The following PHACTR2 variants were observed in gnomAD, a reference collection of about 807,000 sequenced individuals.
PHACTR2 encodes the protein chromosome 6 open reading frame 56.
PHACTR2 carries 30 observed loss-of-function variants against 76.0 expected under a neutral mutation model. The ratio of observed to expected loss-of-function variants is 0.39; its 90% CI spans 0.30 to 0.54. PHACTR2 has a LOEUF of 0.54. Among genes scored for constraint, PHACTR2 ranks in the 20% least tolerant of loss-of-function variants. The pLI, the probability that PHACTR2 is intolerant of heterozygous loss-of-function variation, is 0.61. For synonymous variants in PHACTR2, 292 were observed against 292.5 expected, an observed-to-expected ratio of 1.00 and a Z score of 0.02; for missense variants, 696 against 781.1, an observed-to-expected ratio of 0.89 and a Z score of 1.30.
rs898804159 is a variant in PHACTR2, at chr6:143,583,657, C to T, written c.217+46450C>T. ...TATGTGCCTAATACTGTAATTTTCC[C>T]AGAACTGATAGCTTGATTTTGCCAG... On this transcript the variant is annotated intron_variant, in intron 1 of 11. Transcript: ENST00000367584. This position sits in a 1 kb window ranked among gnomAD's most constrained non-coding sequence, Gnocchi z 4.0. Among the ~76,000 whole-genome samples, 1 of 152,242 alleles carries T rather than the reference C, an allele frequency of 6.6e-6. No individual in the cohort carries two copies. The highest frequency in any genetic ancestry group is 2.4e-5 in the African/African-American group (1 of 41,466).
Position 143,806,390 on chromosome 6 carries a change from C to G in PHACTR2, c.1846-667C>G, listed in dbSNP as rs1430590216. On this transcript the variant is annotated intron_variant, in intron 11 of 12. Coordinates refer to ENST00000440869, the MANE Select transcript of PHACTR2 (RefSeq NM_001100164.2). The surrounding 1 kb of genome is among the most constrained non-coding windows in gnomAD (Gnocchi z 5.8). Reference sequence around the variant, plus strand: ...ATAAGCAACTGCTTTCTCTGTAGCTCTCTGGCAGCTAGTCAAAGCCATGTT... The same window carrying G: ...ATAAGCAACTGCTTTCTCTGTAGCTGTCTGGCAGCTAGTCAAAGCCATGTT... Among the ~76,000 whole-genome samples, 1 of 152,202 alleles carries G rather than the reference C, an allele frequency of 6.6e-6. No homozygotes were observed. The highest frequency in any genetic ancestry group is 1.9e-4 in the East Asian group (1 of 5,200).
At position 143,680,576 on chromosome 6, in the gene PHACTR2, C is replaced by T. The variant is rs183708624; in HGVS notation, c.46+2367C>T. ...CTTTCAGTTTAGGTTGCACCTAATT[C>T]TCTGGGTTCTAGGAAGACCATTAAT... On this transcript the variant is annotated intron_variant, in intron 1 of 12. Coordinates refer to ENST00000440869, the MANE Select transcript of PHACTR2 (RefSeq NM_001100164.2). This position sits in a 1 kb window ranked among gnomAD's most constrained non-coding sequence, Gnocchi z 4.5. 1.6e-3 allele frequency among the ~76,000 whole-genome samples: 247 copies of T among 152,302 alleles called. No individual in the cohort carries two copies. Among genetic ancestry groups the T allele is most frequent in the Middle Eastern group, 0.014 (4 of 294 alleles).
chr6:143,771,221 T>TATAC (rs1471064251), intron 6 of PHACTR2, among the ~76,000 whole-genome samples: 10 of 109,102 alleles, frequency 9.2e-5, no homozygotes, highest in Non-Finnish European at 1.3e-4. Flanking sequence ...TATATATATA[T>TATAC]ATATATATAT....
intron 1 of PHACTR2, among the ~76,000 whole-genome samples, chr6:143,594,302 A>G (rs139544275): frequency 1.4e-3 from 215 of 152,332 alleles, no homozygotes; most frequent in Non-Finnish European, 2.4e-3. Flanking sequence ...GACCTGTACT[A>G]TGAATGAAAA....
chr6:143,569,943 CAGG>C (rs1260167468), intron 1 of PHACTR2, among the ~76,000 whole-genome samples: 1 of 152,150 alleles, frequency 6.6e-6, no homozygotes, highest in African/African-American at 2.4e-5. Flanking sequence ...TCCACCAGAC[CAGG>C]AGATTTTCAT....
chr6:143,646,988 A>T lies in PHACTR2; in HGVS notation c.13+38666A>T, dbSNP rs1409926409. 2.6e-5 allele frequency among the ~76,000 whole-genome samples: 4 copies of T among 152,316 alleles called. No homozygotes were observed. On this transcript the variant is annotated intron_variant, in intron 1 of 11. Coordinates refer to the PHACTR2 transcript ENST00000305766. This position sits in a 1 kb window ranked among gnomAD's most constrained non-coding sequence, Gnocchi z 4.1. ...TAAGCCTTGCTTCTAAAGAATTTTA[A>T]AATGTATTTTTAGCAAGGCTCTAAA... is the stretch of plus-strand genomic sequence containing the variant.
Position 143,738,755 on chromosome 6 carries a change from C to CA in PHACTR2, c.215-10220dup, listed in dbSNP as rs201169525. Among the ~76,000 whole-genome samples, 284 of 139,736 alleles carry CA rather than the reference C, an allele frequency of 2.0e-3. 2 individuals carry two copies. Among genetic ancestry groups the CA allele is most frequent in the Admixed American group, 4.2e-3 (59 of 13,886 alleles). The allele number at this position is 139,736 out of a possible 152,430, so 91.7% of individuals were successfully genotyped here. A position where few individuals can be genotyped will look rare whatever the true frequency, so the allele number is the denominator to read the frequency against. ...TGGGTGATAGAGCAGGACCTTGTCTCAAAAAAAAAAGAAAGAAAGAAAGAA... is the reference window on the plus strand; with the variant it reads ...TGGGTGATAGAGCAGGACCTTGTCTCAAAAAAAAAAAGAAAGAAAGAAAGAA... On this transcript the variant is annotated intron_variant, in intron 2 of 12. Transcript: ENST00000440869. This position sits in a 1 kb window ranked among gnomAD's most constrained non-coding sequence, Gnocchi z 4.0.
chr6:143,744,684 G>T (rs1014400241), intron 2 of PHACTR2, among the ~76,000 whole-genome samples: 3 of 152,206 alleles, frequency 2.0e-5, no homozygotes, highest in African/African-American at 4.8e-5. Context: ...GAAAGAAGTG[G>T]TTAGGAGCCA....
upstream of PHACTR2, among the ~76,000 whole-genome samples, chr6:143,604,817 A>C (rs757792237): frequency 7.8e-4 from 118 of 151,244 alleles, no homozygotes; most frequent in Non-Finnish European, 1.6e-3. Context: ...GCTTGAACCC[A>C]GGAGGTGGAG....
At chr6:143,675,287 T>C (rs1168550753), upstream of PHACTR2, among the ~76,000 whole-genome samples, 1 of 152,208 alleles carries the variant, frequency 6.6e-6, no homozygotes, top group East Asian at 1.9e-4. This position sits in a 1 kb window ranked among gnomAD's most constrained non-coding sequence, Gnocchi z 4.9. Context: ...TTAGTCTATA[T>C]TTTTAGGAAG....
rs891489520 is a variant in PHACTR2, at chr6:143,774,423, A to T, written c.1589+208A>T. ...AGTGGCTTTGAGGTCACCAAAGCCT[A>T]TTCCAGGAGTCAAAAACTTTTTTTT... On this transcript the variant is annotated intron_variant, in intron 8 of 12. Coordinates refer to ENST00000440869, the MANE Select transcript of PHACTR2 (RefSeq NM_001100164.2). This position sits in a 1 kb window ranked among gnomAD's most constrained non-coding sequence, Gnocchi z 5.4. 3.9e-5 allele frequency among the ~76,000 whole-genome samples: 6 copies of T among 152,228 alleles called. No individual in the cohort carries two copies. Among genetic ancestry groups the T allele is most frequent in the African/African-American group, 1.4e-4 (6 of 41,456 alleles).
In PHACTR2 at chr6:143,731,280, G is replaced by GTTGTTTTGTTTTGTT. The variant is rs55767419; in HGVS notation, c.215-17697_215-17683dup. On this transcript the variant is annotated intron_variant, in intron 2 of 12. Coordinates refer to ENST00000440869, the MANE Select transcript of PHACTR2 (RefSeq NM_001100164.2). This position sits in a 1 kb window ranked among gnomAD's most constrained non-coding sequence, Gnocchi z 4.9. The stretch of plus-strand genomic sequence containing the variant: ...GCATCCTTAGGATAAGTCCCACTGT[G>GTTGTTTTGTTTTGTT]TTGTTTTGTTTTGTTTTGTTTTTTG... 6.6e-6 allele frequency among the ~76,000 whole-genome samples: 1 copy of GTTGTTTTGTTTTGTT among 151,270 alleles called. No individual in the cohort carries two copies. Among genetic ancestry groups the GTTGTTTTGTTTTGTT allele is most frequent in the East Asian group, 1.9e-4 (1 of 5,134 alleles).
rs78017400 is a variant in PHACTR2 at position 143,619,757 on chromosome 6, C to A, written c.13+11435C>A. 1.2e-3 allele frequency among the ~76,000 whole-genome samples: 184 copies of A among 152,224 alleles called. 2 individuals are homozygous for A. The highest frequency in any genetic ancestry group is 4.2e-3 in the African/African-American group (174 of 41,530). ...TTTCTTAGTAAGGGAAATTTGGCAACCCTCCATTTTTAAAGCAGCTTGACT... is the reference window on the plus strand; with the variant it reads ...TTTCTTAGTAAGGGAAATTTGGCAAACCTCCATTTTTAAAGCAGCTTGACT... On this transcript the variant is annotated intron_variant, in intron 1 of 11. Transcript: ENST00000305766. The surrounding 1 kb of genome is among the most constrained non-coding windows in gnomAD (Gnocchi z 4.5).
intron 1 of PHACTR2, among the ~76,000 whole-genome samples, chr6:143,666,767 C>T (rs1198274467): frequency 6.6e-6 from 1 of 152,132 alleles, no homozygotes; most frequent in African/African-American, 2.4e-5. Flanking sequence ...TTTGTAGATT[C>T]TGGATGTTAG....
rs973665333 is a variant in PHACTR2, at chr6:143,733,571, C to A, written c.215-15414C>A. On this transcript the variant is annotated intron_variant, in intron 2 of 12. Transcript: ENST00000440869. The surrounding 1 kb of genome is among the most constrained non-coding windows in gnomAD (Gnocchi z 4.0). ...TTTCAATCCTTCTTTAGTGTTCATACCACTGAGAGTTGCTTAAAACAGCCT... is the reference window on the plus strand; with the variant it reads ...TTTCAATCCTTCTTTAGTGTTCATAACACTGAGAGTTGCTTAAAACAGCCT... Among the ~76,000 whole-genome samples, 1 of 152,102 alleles carries A rather than the reference C, an allele frequency of 6.6e-6. No homozygotes were observed. Among genetic ancestry groups the A allele is most frequent in the Non-Finnish European group, 1.5e-5 (1 of 68,010 alleles).
intron 2 of PHACTR2, among the ~76,000 whole-genome samples, chr6:143,725,214 T>G (rs1778536027): frequency 2.1e-5 from 3 of 140,720 alleles, no homozygotes; most frequent in Non-Finnish European, 4.6e-5. Context: ...TTTTTTTTTT[T>G]TTTTTTTTTT....
intron 1 of PHACTR2, among the ~76,000 whole-genome samples, chr6:143,563,264 T>C (rs1308003718): frequency 6.6e-6 from 1 of 152,070 alleles, no homozygotes; most frequent in Non-Finnish European, 1.5e-5. Flanking sequence ...GACAGGGCAC[T>C]ATAGGCTTTT....
rs369442996 is a variant in PHACTR2, at chr6:143,781,395, T to G, written c.1646-1824T>G. Among the ~76,000 whole-genome samples the G allele has an allele frequency of 3.2e-4, 48 of 152,334 alleles. 1 individual carries two copies. The South Asian group carries it at 4.6e-3, about 14-fold the overall frequency. ...TCATTTTTGCGTATTTAATGACGACTGGAGCATTTGTTAGCTTTGGGATGT... is the reference window on the plus strand; with the variant it reads ...TCATTTTTGCGTATTTAATGACGACGGGAGCATTTGTTAGCTTTGGGATGT... On this transcript the variant is annotated intron_variant, in intron 9 of 12. Coordinates refer to ENST00000440869, the MANE Select transcript of PHACTR2 (RefSeq NM_001100164.2).
intron 7 of PHACTR2, among the ~76,000 whole-genome samples, 169 bp from the exon 8 acceptor site, chr6:143,773,890 A>T (rs1441761298): frequency 6.6e-6 from 1 of 152,184 alleles, no homozygotes; most frequent in African/African-American, 2.4e-5. Flanking sequence ...CTCAAAATGA[A>T]CTGCATCCAA....
Sources: allele counts gnomAD v4.1 joint callset (sites outside exome capture counted in the v4.1 genomes callset), GRCh38; gene constraint gnomAD v4.1.1; non-coding constraint Gnocchi (gnomAD v3.1); transcripts MANE v1.5; gene names NCBI Gene and HGNC (gene_info 2026-07-23, HGNC 2026-07-21).